ZNF516: variants seen among roughly 807,000 people sequenced by gnomAD.
ZNF516 encodes the protein zinc finger protein 516.
Under a neutral mutation model 79.7 loss-of-function variants are expected in ZNF516, and 19 were observed. The ratio of observed to expected loss-of-function variants is 0.24; its 90% CI spans 0.17 to 0.35. The LOEUF (loss-of-function observed/expected upper bound fraction) is 0.35. Among genes scored for constraint, ZNF516 ranks in the 10% least tolerant of loss-of-function variants. The probability of loss-of-function intolerance (pLI) is 1.00; values close to 1 mark genes in which losing one functional copy is unlikely to be tolerated. For synonymous variants in ZNF516, 877 were observed against 739.5 expected (o/e 1.19, Z -3.02); for missense variants, 1,678 against 1,679.5 (o/e 1.00, Z 0.02).
chr18:76,453,144 G>C (rs1269021814), intron 2 of ZNF516, among the ~76,000 whole-genome samples: 1 of 152,168 alleles, frequency 6.6e-6, no homozygotes, highest in Non-Finnish European at 1.5e-5. Flanking sequence ...ACAGGATCCA[G>C]AGCCTGCTCC....
chr18:76,484,127 G>A (rs1458045085), intron 1 of ZNF516, among the ~76,000 whole-genome samples: 3 of 152,176 alleles, frequency 2.0e-5, no homozygotes, highest in Non-Finnish European at 2.9e-5. Flanking sequence ...TTTTCAGAGT[G>A]GACTTTCACC....
At chr18:76,376,522 CCT>C (rs1242187751) in intron 4 of ZNF516, among the ~76,000 whole-genome samples, 1 of 119,870 alleles carries the variant, frequency 8.3e-6, no homozygotes, top group Non-Finnish European at 1.8e-5. Context: ...AAATATTTAA[CCT>C]CTCTCTTTCA....
chr18:76,369,440 G>A (rs147899893), intron 6 of ZNF516, among the ~76,000 whole-genome samples: 7 of 151,904 alleles, frequency 4.6e-5, no homozygotes, highest in East Asian at 1.9e-4. Context: ...AACAAAAACC[G>A]AAATCCCTCA....
At position 76,441,437 on chromosome 18, in the gene ZNF516, C is replaced by T. The variant is rs1292632179; in HGVS notation, c.1618G>A (p.Ala540Thr). The change falls in exon 3 of 7, where the codon GCG becomes ACG. Residue 540 changes from alanine to threonine, a missense_variant. This residue lies in a region of ZNF516 where 1,294 missense variants were observed against 1,248.3 expected (regional missense o/e 1.04). Coordinates refer to ENST00000443185, the MANE Select transcript of ZNF516 (RefSeq NM_014643.4). ...CCGTCACTGTCCCTCTCGCGGCGCG[C>T]GCGGCGATGCACGCGTGAGTGCAGC... is the stretch of plus-strand genomic sequence containing the variant. ...MVLHSRVHRR[A>T]RRERDSDGDR... 3 of 1,606,928 alleles carry T rather than the reference C, an allele frequency of 1.9e-6. No individual in the cohort carries two copies. The highest frequency in any genetic ancestry group is 1.1e-5 in the South Asian group (1 of 90,646).
intron 2 of ZNF516, among the ~76,000 whole-genome samples, chr18:76,447,884 A>T (rs1912154270): frequency 6.6e-6 from 1 of 151,834 alleles, no homozygotes; most frequent in East Asian, 1.9e-4. Flanking sequence ...GCTGTATGTG[A>T]GTGTGTGTGA....
At chr18:76,483,608 C>T (rs1212119084) in intron 1 of ZNF516, among the ~76,000 whole-genome samples, 2 of 152,192 alleles carry the variant, frequency 1.3e-5, no homozygotes, top group Non-Finnish European at 2.9e-5. Flanking sequence ...GAAGGTGAGT[C>T]TCAGGGCCCA....
chr18:76,370,544 G>C lies in ZNF516; in HGVS notation c.3416C>G (p.Ala1139Gly). The C allele has an allele frequency of 6.2e-7, 1 of 1,608,378 alleles. No individual in the cohort carries two copies. Among genetic ancestry groups the C allele is most frequent in the Non-Finnish European group, 8.5e-7 (1 of 1,177,162 alleles). ...PRGSEVHTTS[A>G]DAPKQGRDHS... The stretch of plus-strand genomic sequence containing the variant: ...GAGACCTACTTGTTTGGGGGCGTCT[G>C]CGGAGGTGGTATGAACTTCAGAACC... Residue 1139 changes from alanine to glycine, a missense_variant, in exon 6 of 7, where the codon GCA becomes GGA. Coordinates refer to ENST00000443185, the MANE Select transcript of ZNF516 (RefSeq NM_014643.4).
rs184175025 is a variant in ZNF516, at chr18:76,468,712, G to A, written c.-271-5571C>T. ...TGTGATTACAGGTATGAGCCAACGC[G>A]CCCGGCCGTGTTAGCATCTTTTATG... On this transcript the variant is annotated intron_variant, in intron 1 of 6. Transcript: ENST00000443185. Among the ~76,000 whole-genome samples the A allele has an allele frequency of 1.6e-3, 239 of 152,198 alleles. 1 individual carries two copies. The highest frequency in any genetic ancestry group is 3.4e-3 in the Middle Eastern group (1 of 294).
chr18:76,400,959 G>A (rs1181737614), intron 3 of ZNF516, among the ~76,000 whole-genome samples: 3 of 152,142 alleles, frequency 2.0e-5, no homozygotes, highest in Non-Finnish European at 4.4e-5. Flanking sequence ...CCATTAAAAT[G>A]ATGTAAACAC....
intron 3 of ZNF516, among the ~76,000 whole-genome samples, chr18:76,383,256 GCTTTCCAAGGACCTACTTC>G (rs957430395): frequency 5.9e-5 from 9 of 152,186 alleles, no homozygotes; most frequent in Non-Finnish European, 8.8e-5. Flanking sequence ...AGACTGAACA[GCTTTCCAAGGACCTACTTC>G]CTTTCCAAGG....
intron 2 of ZNF516, among the ~76,000 whole-genome samples, chr18:76,444,051 C>T (rs1004829180): frequency 1.5e-4 from 23 of 152,168 alleles, no homozygotes; most frequent in Non-Finnish European, 1.5e-5. Flanking sequence ...GGACGAGGGA[C>T]GCATGAATCA....
intron 1 of ZNF516, among the ~76,000 whole-genome samples, chr18:76,487,229 C>G (rs1914882898): frequency 2.0e-5 from 3 of 152,256 alleles, no homozygotes; most frequent in Non-Finnish European, 4.4e-5. Flanking sequence ...GACATAAATA[C>G]GATGATGGCT....
Position 76,459,413 on chromosome 18 carries a change from G to A in ZNF516, c.-158+3615C>T, listed in dbSNP as rs1453050756. 6.6e-6 allele frequency among the ~76,000 whole-genome samples: 1 copy of A among 152,200 alleles called. No homozygotes were observed. The highest frequency in any genetic ancestry group is 1.5e-5 in the Non-Finnish European group (1 of 68,028). On this transcript the variant is annotated intron_variant, in intron 2 of 6. Coordinates refer to ENST00000443185, the MANE Select transcript of ZNF516 (RefSeq NM_014643.4). This position sits in a 1 kb window ranked among gnomAD's most constrained non-coding sequence, Gnocchi z 5.0. ...GGACAGCCGTCCTAGCTTCCTTCGTGGGAGAAAACTCTGGCCCTCCACTGC... is the reference window on the plus strand; with the variant it reads ...GGACAGCCGTCCTAGCTTCCTTCGTAGGAGAAAACTCTGGCCCTCCACTGC...
intron 3 of ZNF516, among the ~76,000 whole-genome samples, chr18:76,402,076 AG>A (rs1254211490): frequency 6.6e-6 from 1 of 151,142 alleles, no homozygotes; most frequent in Non-Finnish European, 1.5e-5. Flanking sequence ...TCCCACAGGG[AG>A]GGGAGGGCTT....
At chr18:76,367,214 C>T (rs931240906) in intron 6 of ZNF516, among the ~76,000 whole-genome samples, 1 of 152,158 alleles carries the variant, frequency 6.6e-6, no homozygotes, top group Non-Finnish European at 1.5e-5. Context: ...CCTCACTTTC[C>T]AAGCCCAATC....
At chr18:76,461,628 TAA>T (rs1913115489) in intron 2 of ZNF516, among the ~76,000 whole-genome samples, 1 of 152,240 alleles carries the variant, frequency 6.6e-6, no homozygotes, top group South Asian at 2.1e-4. Context: ...CATCCAAACG[TAA>T]AATCAGAAAA....
In ZNF516 at chr18:76,409,810, TC is replaced by T. The variant is rs2075351332; in HGVS notation, c.1811-29508del. 2.0e-5 allele frequency among the ~76,000 whole-genome samples: 3 copies of T among 152,140 alleles called. No individual in the cohort carries two copies. The South Asian group carries it at 6.2e-4, about 32-fold the overall frequency. ...CCCCAAATTGGAGGCACCAGTGAGATCCAGACATTAGAGGTGGTATGGTTTG... is the reference window on the plus strand; with the variant it reads ...CCCCAAATTGGAGGCACCAGTGAGATCAGACATTAGAGGTGGTATGGTTTG... On this transcript the variant is annotated intron_variant, in intron 3 of 6. Coordinates refer to ENST00000443185, the MANE Select transcript of ZNF516 (RefSeq NM_014643.4).
At position 76,409,589 on chromosome 18, in the gene ZNF516, T is replaced by C. The variant is rs78194340; in HGVS notation, c.1811-29286A>G. ...CAGACTGTTCTTCTGGTAGGAACGATATTAAAGTATACCAACTATTACACC... is the reference window on the plus strand; with the variant it reads ...CAGACTGTTCTTCTGGTAGGAACGACATTAAAGTATACCAACTATTACACC... On this transcript the variant is annotated intron_variant, in intron 3 of 6. Transcript: ENST00000443185. Among the ~76,000 whole-genome samples, 17 of 152,328 alleles carry C rather than the reference T, an allele frequency of 1.1e-4. No homozygotes were observed. In the East Asian group the frequency reaches 2.9e-3, roughly 26 times the overall value.
Position 76,493,963 on chromosome 18 carries a change from C to G in ZNF516, c.-272+1181G>C, listed in dbSNP as rs1599178268. The G allele has an allele frequency of 1.3e-5, 2 of 152,214 alleles. No homozygotes were observed. The highest frequency in any genetic ancestry group is 4.8e-5 in the African/African-American group (2 of 41,458). The allele number at this position is 152,214 out of a possible 1,614,324, so 9.4% of individuals were successfully genotyped here. A position where few individuals can be genotyped will look rare whatever the true frequency, so the allele number is the denominator to read the frequency against. On this transcript the variant is annotated intron_variant, in intron 1 of 6. Transcript: ENST00000443185. This position sits in a 1 kb window ranked among gnomAD's most constrained non-coding sequence, Gnocchi z 5.2. ...CTTTGCACACCCGGAGACCCGGTGA[C>G]TCTTTATCAGCGGAATGAGTAAGAC...
Sources: allele counts gnomAD v4.1 joint callset (sites outside exome capture counted in the v4.1 genomes callset), GRCh38; gene constraint gnomAD v4.1.1; regional missense constraint gnomAD v4.1.1; non-coding constraint Gnocchi (gnomAD v3.1); transcripts MANE v1.5; gene names NCBI Gene and HGNC (gene_info 2026-07-23, HGNC 2026-07-21).